Variants in NOL10 observed in about 807,000 individuals in gnomAD.
NOL10 encodes the protein nucleolar protein 10, also known as H_NH0074G24.1.
A neutral mutation model predicts 103.5 loss-of-function variants in NOL10; 58 were observed. That is an observed-to-expected ratio of 0.56 (90% CI 0.45 to 0.70). The LOEUF (loss-of-function observed/expected upper bound fraction) is 0.70, where lower values mean the gene tolerates loss of function less well. Ranked by LOEUF, NOL10 falls within the 30% of genes least tolerant of loss-of-function variation. The probability of loss-of-function intolerance (pLI) is 0.00; values close to 1 mark genes in which losing one functional copy is unlikely to be tolerated. For synonymous variants in NOL10, 287 were observed against 282.5 expected, an observed-to-expected ratio of 1.02 and a Z score of -0.16; for missense variants, 763 against 807.3, an observed-to-expected ratio of 0.95 and a Z score of 0.67.
chr2:10,589,248 T>G lies in NOL10; in HGVS notation c.1639A>C (p.Ser547Arg), dbSNP rs924654311. 3.1e-6 allele frequency: 5 copies of G among 1,613,820 alleles called. No homozygotes were observed. In the Admixed American group the frequency reaches 6.7e-5, roughly 22 times the overall value. The change falls in exon 19 of 21, where the codon AGT becomes CGT. Residue 547 changes from serine to arginine, a missense_variant. Coordinates refer to ENST00000381685, the MANE Select transcript of NOL10 (RefSeq NM_024894.4). ...EPEGKPSDAESSESSDDEKAW... is the reference protein window; with the variant it reads ...EPEGKPSDAERSESSDDEKAW... ...TTTTCATCATCTGAACTCTCCGAAC[T>G]TTCTGCATCACTTGGTTTTCCTTCC...
intron 13 of NOL10, among the ~76,000 whole-genome samples, chr2:10,616,793 C>A (rs2148211690): frequency 6.6e-6 from 1 of 152,264 alleles, no homozygotes; most frequent in South Asian, 2.1e-4. Flanking sequence ...TAGTGATCCA[C>A]TGGCCTCGGC....
chr2:10,577,060 A>ATG (rs34692219), intron 20 of NOL10, among the ~76,000 whole-genome samples: 52,030 of 151,822 alleles, frequency 0.34, 9,308 homozygotes, highest in Non-Finnish European at 0.4. Context: ...TCCTCCTACA[A>ATG]TGTGACAGGT....
At chr2:10,650,842 C>G (rs1195371467) in intron 12 of NOL10, among the ~76,000 whole-genome samples, 2 of 152,134 alleles carry the variant, frequency 1.3e-5, no homozygotes, top group African/African-American at 4.8e-5. Context: ...CCCTCTCAAT[C>G]CATTTTAAGT....
At chr2:10,580,516 G>C (rs1305093136) in intron 19 of NOL10, among the ~76,000 whole-genome samples, 3 of 152,174 alleles carry the variant, frequency 2.0e-5, no homozygotes, top group Non-Finnish European at 2.9e-5. Flanking sequence ...CCCCAAACTT[G>C]TGATTGCTAA....
chr2:10,580,672 A>T (rs1466797036), intron 19 of NOL10, among the ~76,000 whole-genome samples: 1 of 142,538 alleles, frequency 7.0e-6, no homozygotes, highest in Non-Finnish European at 1.5e-5. Flanking sequence ...TAGGAAGAAA[A>T]TCAAATTAAA....
intron 13 of NOL10, among the ~76,000 whole-genome samples, chr2:10,629,487 C>G (rs1202709353): frequency 1.3e-5 from 2 of 151,876 alleles, no homozygotes; most frequent in Non-Finnish European, 2.9e-5. Flanking sequence ...AAAAATACAG[C>G]AAAATGTTAA....
At chr2:10,626,842 C>T (rs2148233027) in intron 13 of NOL10, among the ~76,000 whole-genome samples, 1 of 152,340 alleles carries the variant, frequency 6.6e-6, no homozygotes, top group African/African-American at 2.4e-5. Flanking sequence ...TACACTAACA[C>T]AATATATGTC....
chr2:10,628,360 T>C (rs527688068), intron 13 of NOL10, among the ~76,000 whole-genome samples: 13 of 152,126 alleles, frequency 8.5e-5, no homozygotes, highest in African/African-American at 3.1e-4. Context: ...ACAAGTGGAG[T>C]CACTGCCAAC....
At chr2:10,573,342 C>T (rs1177274540) in intron 20 of NOL10, among the ~76,000 whole-genome samples, 5 of 152,102 alleles carry the variant, frequency 3.3e-5, no homozygotes, top group East Asian at 1.9e-4. Context: ...TACAGGCACC[C>T]GCCACCACGC....
chr2:10,639,068 G>T (rs1487477997), intron 13 of NOL10, among the ~76,000 whole-genome samples: 2 of 151,262 alleles, frequency 1.3e-5, no homozygotes, highest in African/African-American at 2.4e-5. Flanking sequence ...CTCCCAAAGT[G>T]CTAGGATTAC....
chr2:10,577,409 C>A (rs1674509654), intron 20 of NOL10, among the ~76,000 whole-genome samples: 2 of 152,194 alleles, frequency 1.3e-5, no homozygotes, highest in African/African-American at 4.8e-5. Flanking sequence ...CACTAACTCC[C>A]TGTCTCCCTT....
intron 12 of NOL10, among the ~76,000 whole-genome samples, chr2:10,647,282 G>A (rs533950640): frequency 1.3e-5 from 2 of 152,236 alleles, no homozygotes; most frequent in South Asian, 4.1e-4. Flanking sequence ...TGTGCTCTGG[G>A]GACTAAAGGA....
chr2:10,577,693 T>C lies in NOL10; in HGVS notation c.1890A>G (p.Thr630=). The stretch of plus-strand genomic sequence containing the variant: ...CAACGGTGGTGTCGGATACACTCAA[T>C]GTCCCATTTTTTGCTTCAATTTTCA... ...DRLKIEAKNG[T]LSVSDTTVGS... The change falls in exon 20 of 21, where the codon ACA becomes ACG. Residue 630 remains threonine, a synonymous_variant. Transcript: ENST00000381685. 1 of 1,613,102 alleles carries C rather than the reference T, an allele frequency of 6.2e-7. No individual in the cohort carries two copies. Among genetic ancestry groups the C allele is most frequent in the Non-Finnish European group, 8.5e-7 (1 of 1,179,468 alleles).
intron 9 of NOL10, among the ~76,000 whole-genome samples, chr2:10,660,661 A>C (rs1440260928): frequency 1.3e-5 from 2 of 152,106 alleles, no homozygotes; most frequent in Non-Finnish European, 2.9e-5. Context: ...TTGTTATTAG[A>C]ATGTTTTTCC....
chr2:10,641,465 G>T (rs1678692427), intron 13 of NOL10, among the ~76,000 whole-genome samples: 1 of 152,096 alleles, frequency 6.6e-6, no homozygotes, highest in African/African-American at 2.4e-5. Context: ...GGAATAGCTG[G>T]TTTTTATTTT....
chr2:10,622,084 T>C (rs1439533939), intron 13 of NOL10: 1 of 471,306 alleles, frequency 2.1e-6, no homozygotes, highest in Non-Finnish European at 4.4e-6. Flanking sequence ...ATAGAACGTG[T>C]CCGTCATCAC....
At chr2:10,669,511 T>TACACACACACACACAC (rs1344903922) in intron 6 of NOL10, among the ~76,000 whole-genome samples, 2 of 95,146 alleles carry the variant, frequency 2.1e-5, no homozygotes, top group African/African-American at 8.7e-5. Context: ...CACACACATA[T>TACACACACACACACAC]ATACACACAC....
intron 13 of NOL10, among the ~76,000 whole-genome samples, chr2:10,641,540 A>T (rs1230553572): frequency 2.0e-5 from 3 of 152,248 alleles, no homozygotes; most frequent in African/African-American, 4.8e-5. Context: ...TGAACAAAAA[A>T]GCTGTTTTGC....
chr2:10,677,629 C>T (rs561462396), intron 3 of NOL10, among the ~76,000 whole-genome samples: 5 of 151,726 alleles, frequency 3.3e-5, no homozygotes, highest in African/African-American at 9.7e-5. Context: ...CCTGCCATCA[C>T]GACTGTGTAA....
Sources: allele counts gnomAD v4.1 joint callset (sites outside exome capture counted in the v4.1 genomes callset), GRCh38; gene constraint gnomAD v4.1.1; transcripts MANE v1.5; gene names NCBI Gene and HGNC (gene_info 2026-07-23, HGNC 2026-07-21).